Variants in TUBB8 observed in about 807,000 individuals in gnomAD.
TUBB8 encodes the protein tubulin beta-8 chain.
Under a neutral mutation model 33.7 loss-of-function variants are expected in TUBB8, and 25 were observed. That is an observed-to-expected ratio of 0.74 (90% CI 0.54 to 1.04). The LOEUF is 1.04. TUBB8 is among the 50% of genes least tolerant of loss of function. The pLI is 0.00. For synonymous variants in TUBB8, 245 were observed against 240.1 expected (o/e 1.02, Z -0.19); for missense variants, 279 against 608.0 (o/e 0.46, Z 5.69).
intron 1 of TUBB8, among the ~76,000 whole-genome samples, chr10:56,075 G>A (rs554981447): frequency 7.9e-5 from 12 of 152,234 alleles, no homozygotes; most frequent in South Asian, 4.1e-4. Context: ...GCTTTGGATC[G>A]CATGGACATT....
chr10:61,456 G>C (rs1834600498), intron 1 of TUBB8, among the ~76,000 whole-genome samples: 1 of 152,110 alleles, frequency 6.6e-6, no homozygotes, highest in Admixed American at 6.5e-5. Flanking sequence ...TTGTTCCATT[G>C]TGGTCAGAGA....
At chr10:57,978 C>CT (rs1271734874) in intron 1 of TUBB8, among the ~76,000 whole-genome samples, 12 of 152,072 alleles carry the variant, frequency 7.9e-5, no homozygotes, top group African/African-American at 2.2e-4. Context: ...TTACAACTTA[C>CT]TTTTTTTTGC....
rs367863774 is a variant in TUBB8, at chr10:48,856, C to T, written c.114G>A (p.Gly38=). The T allele has an allele frequency of 7.5e-6, 12 of 1,595,476 alleles. No individual in the cohort carries two copies. Among genetic ancestry groups the T allele is most frequent in the South Asian group, 4.5e-5 (4 of 89,610 alleles). The change falls in exon 2 of 4, where the codon GGG becomes GGA. Residue 38 remains glycine (G), a synonymous_variant. Coordinates refer to ENST00000568584, the MANE Select transcript of TUBB8 (RefSeq NM_177987.3). ...TGCGCTCCAGCTGCAGGTGGCTGTC[C>T]CCGTGGTAGGTGCCAGCGGAGTCGA... ...HAIDSAGTYH[G]DSHLQLERIN... is the part of the protein sequence containing the mutation.
intron 1 of TUBB8, among the ~76,000 whole-genome samples, chr10:65,866 T>C (rs1487817104): frequency 6.6e-6 from 1 of 152,240 alleles, no homozygotes; most frequent in Non-Finnish European, 1.5e-5. Context: ...ACTAAAGCCA[T>C]CACTGCAAAG....
chr10:69,540 C>G (rs528025575), intron 1 of TUBB8, among the ~76,000 whole-genome samples: 1 of 152,216 alleles, frequency 6.6e-6, no homozygotes, highest in East Asian at 1.9e-4. Flanking sequence ...TTAATGGAAC[C>G]AAAGTCCATG....
intron 1 of TUBB8, among the ~76,000 whole-genome samples, chr10:70,148 G>T (rs1554742120): frequency 6.6e-6 from 1 of 152,084 alleles, no homozygotes; most frequent in African/African-American, 2.4e-5. Context: ...GTGTTAGACA[G>T]GAATTATTTT....
chr10:64,194 C>T (rs1359115489), intron 1 of TUBB8, among the ~76,000 whole-genome samples: 1 of 152,140 alleles, frequency 6.6e-6, no homozygotes, highest in Non-Finnish European at 1.5e-5. Flanking sequence ...CTGGTTCACA[C>T]ATGAAGTAGC....
intron 1 of TUBB8, among the ~76,000 whole-genome samples, chr10:72,290 C>T (rs1554742432): frequency 6.7e-6 from 1 of 149,986 alleles, no homozygotes; most frequent in African/African-American, 2.5e-5. Context: ...CGTGGTGGCT[C>T]AGGCCTGCCT....
intron 1 of TUBB8, 29 bp downstream of exon 1, chr10:49,153 G>T (rs782223716): frequency 6.4e-6 from 10 of 1,556,358 alleles, no homozygotes; most frequent in Non-Finnish European, 8.7e-6. Flanking sequence ...GCAGGCCCGG[G>T]CTAGGCCCTC....
At chr10:72,053 C>T (rs1328896862) in intron 1 of TUBB8, among the ~76,000 whole-genome samples, 2 of 151,910 alleles carry the variant, frequency 1.3e-5, no homozygotes, top group Admixed American at 1.3e-4. Context: ...TGGTGAAACC[C>T]CATCTCTATT....
At chr10:62,183 T>C (rs1246606224) in intron 1 of TUBB8, among the ~76,000 whole-genome samples, 1 of 152,228 alleles carries the variant, frequency 6.6e-6, no homozygotes, top group Non-Finnish European at 1.5e-5. Flanking sequence ...TCTTTCTTCC[T>C]GTCTTCCTTT....
At chr10:54,105 CT>C (rs1273262807), upstream of TUBB8, among the ~76,000 whole-genome samples, 2 of 152,232 alleles carry the variant, frequency 1.3e-5, no homozygotes, top group African/African-American at 4.8e-5. Context: ...CATAATCACC[CT>C]GTTCTGCTAC....
At position 48,217 on chromosome 10, in the gene TUBB8, A is replaced by G. The variant is rs2131811883; in HGVS notation, c.278-103T>C. On this transcript the variant is annotated intron_variant, in intron 3 of 3. Transcript: ENST00000568584. ...CAAGCGTCACACGTGAGGTGAGAGC[A>G]CCGTTCGCCCTGCAGGTGGAGCAGA... The G allele has an allele frequency of 3.8e-6, 4 of 1,046,390 alleles. No homozygotes were observed. The East Asian group carries it at 1.0e-4, about 27-fold the overall frequency. The allele number at this position is 1,046,390 out of a possible 1,614,324, so 64.8% of individuals were successfully genotyped here.
intron 1 of TUBB8, among the ~76,000 whole-genome samples, chr10:56,470 G>A (rs1351003178): frequency 6.6e-6 from 1 of 152,236 alleles, no homozygotes; most frequent in Non-Finnish European, 1.5e-5. Context: ...TCTACAGGCT[G>A]TACAGAAAGC....
At chr10:75,506 T>C (rs1407809803), upstream of TUBB8, among the ~76,000 whole-genome samples, 3 of 150,486 alleles carry the variant, frequency 2.0e-5, no homozygotes, top group East Asian at 6.1e-4. Flanking sequence ...AATACAAAAA[T>C]TAGCCAGATG....
At chr10:67,283 A>G (rs1305112764) in intron 1 of TUBB8, among the ~76,000 whole-genome samples, 5,223 of 109,904 alleles carry the variant, frequency 0.048, no homozygotes, top group African/African-American at 0.1. Context: ...GAATCTGTAG[A>G]TGGCTTTGTG....
At chr10:62,779 CT>C (rs368978869) in intron 1 of TUBB8, among the ~76,000 whole-genome samples, 6 of 151,984 alleles carry the variant, frequency 3.9e-5, no homozygotes, top group South Asian at 2.1e-4. Flanking sequence ...AAGTAAAAGT[CT>C]TTTTTTTCTT....
At chr10:62,125 C>A (rs370872455) in intron 1 of TUBB8, among the ~76,000 whole-genome samples, 26,467 of 138,904 alleles carry the variant, frequency 0.19, no homozygotes, top group African/African-American at 0.32. Flanking sequence ...TACTCCTGCC[C>A]TTTTGTTACT....
At chr10:72,033 C>G (rs1371541814) in intron 1 of TUBB8, among the ~76,000 whole-genome samples, 2 of 151,986 alleles carry the variant, frequency 1.3e-5, no homozygotes, top group African/African-American at 4.8e-5. Context: ...AGAGATAAGC[C>G]TGACCAAAAT....
Sources: allele counts gnomAD v4.1 joint callset (sites outside exome capture counted in the v4.1 genomes callset), GRCh38; gene constraint gnomAD v4.1.1; transcripts MANE v1.5; gene names NCBI Gene and HGNC (gene_info 2026-07-23, HGNC 2026-07-21).